PAQR4: variants seen among roughly 807,000 people sequenced by gnomAD.
The protein encoded by PAQR4 is progestin and adipoQ receptor family member IV.
PAQR4 carries 26 observed loss-of-function variants against 20.9 expected under a neutral mutation model. That is an observed-to-expected ratio of 1.24 (90% CI 0.91 to 1.73). The LOEUF (loss-of-function observed/expected upper bound fraction) is 1.73. Among genes scored for constraint, PAQR4 ranks in the 40% most tolerant of loss-of-function variants. The pLI is 0.00. For synonymous variants in PAQR4, 193 were observed against 171.6 expected, an observed-to-expected ratio of 1.12 and a Z score of -0.97; for missense variants, 400 against 380.1, an observed-to-expected ratio of 1.05 and a Z score of -0.44.
At position 2,972,096 on chromosome 16, in the gene PAQR4, G is replaced by A; in HGVS notation, c.*148G>A. 2 of 804,680 alleles carry A rather than the reference G, an allele frequency of 2.5e-6. No individual in the cohort carries two copies. The highest frequency in any genetic ancestry group is 2.8e-5 in the East Asian group (1 of 36,276). 49.8% of individuals were successfully genotyped at this position (804,680 alleles called of 1,614,324 possible). ...GCCCTGTTCACCCGTTCTTCCCTGT[G>A]GACTGACCTCTTCCACCCACGCCGT... On this transcript the variant is annotated 3_prime_UTR_variant, in exon 3 of 3. Transcript: ENST00000318782.
rs369198276 is a variant in PAQR4 at position 2,971,318 on chromosome 16, G to A, written c.328G>A (p.Ala110Thr). The A allele has an allele frequency of 4.7e-5, 75 of 1,612,216 alleles. No individual in the cohort carries two copies. In the African/African-American group the frequency reaches 6.4e-4, roughly 14 times the overall value. Residue 110 changes from alanine to threonine, a missense_variant, in exon 2 of 3, where the codon GCT becomes ACT. Ala to Thr is a moderately conservative substitution (Grantham distance 58, BLOSUM62 0). Transcript: ENST00000318782. ...HLFMCHQGGS[A>T]VYARLLALDM... ...CTTTATGTGCCACCAAGGGGGCAGC[G>A]CTGTGTACGCCCGGCTCCTCGCCCT...
In PAQR4 at chr16:2,971,684, G is replaced by A. The variant is rs753704178; in HGVS notation, c.558G>A (p.Leu186=). The change falls in exon 3 of 3, where the codon CTG becomes CTA. Residue 186 remains leucine (L), a synonymous_variant. Coordinates refer to ENST00000318782, the MANE Select transcript of PAQR4 (RefSeq NM_152341.5). ...GATGGCAGGCTGCTGCCCGCCTACT[G>A]GTATTTGGGGCCCGGGGAGTGGGTC... is the stretch of plus-strand genomic sequence containing the variant. The part of the protein sequence containing the change: ...AFGWQAAARL[L]VFGARGVGLG... 2.5e-5 allele frequency: 40 copies of A among 1,611,952 alleles called. No individual in the cohort carries two copies. Among genetic ancestry groups the A allele is most frequent in the Non-Finnish European group, 3.0e-5 (35 of 1,179,868 alleles).
chr16:2,973,442 T>A lies in PAQR4; in HGVS notation c.*1494T>A, dbSNP rs1462997879. 1 of 1,527,738 alleles carries A rather than the reference T, an allele frequency of 6.5e-7. No homozygotes were observed. Among genetic ancestry groups the A allele is most frequent in the African/African-American group, 1.4e-5 (1 of 72,864 alleles). The allele number at this position is 1,527,738 out of a possible 1,614,324, so 94.6% of individuals were successfully genotyped here. A position where few individuals can be genotyped will look rare whatever the true frequency, so the allele number is the denominator to read the frequency against. ...CCCCCTCTGTCCTTTTCAGAACACA[T>A]GGACTTGGAGGCAGATTTGAAATAA... On this transcript the variant is annotated 3_prime_UTR_variant, in exon 3 of 3. Transcript: ENST00000318782.
chr16:2,971,373 C>A lies in PAQR4; in HGVS notation c.383C>A (p.Thr128Asn). 2 of 1,608,144 alleles carry A rather than the reference C, an allele frequency of 1.2e-6. No homozygotes were observed. The highest frequency in any genetic ancestry group is 1.7e-6 in the Non-Finnish European group (2 of 1,179,718). Residue 128 changes from threonine (T) to asparagine (N), a missense_variant, in exon 2 of 3, where the codon ACC becomes AAC. Thr to Asn is a moderately conservative substitution (Grantham distance 65, BLOSUM62 0). Transcript: ENST00000318782. The stretch of plus-strand genomic sequence containing the variant: ...ATGTGTGGGGTCTGCCTTGTCAACA[C>A]CCTTGGTGAGTCAGGGCCCAAGGGA... Reference protein sequence around the residue: ...LDMCGVCLVNTLGALPIIHCT... With the variant: ...LDMCGVCLVNNLGALPIIHCT...
At position 2,972,185 on chromosome 16, in the gene PAQR4, GGAAACCTTTCC is replaced by G. The variant is rs1481018184; in HGVS notation, c.*238_*248del. ...TCCTATTTTACTGTGTCAGCTGGAAGGAAACCTTTCCCTCTTGGGACCTCTTTACCCTCTGT... is the reference window on the plus strand; with the variant it reads ...TCCTATTTTACTGTGTCAGCTGGAAGCTCTTGGGACCTCTTTACCCTCTGT... On this transcript the variant is annotated 3_prime_UTR_variant, in exon 3 of 3. Coordinates refer to ENST00000318782, the MANE Select transcript of PAQR4 (RefSeq NM_152341.5). 1.8e-6 allele frequency: 1 copy of G among 569,878 alleles called. No homozygotes were observed. The highest frequency in any genetic ancestry group is 3.1e-6 in the Non-Finnish European group (1 of 326,882). The allele number at this position is 569,878 out of a possible 1,614,324, so 35.3% of individuals were successfully genotyped here. A position where few individuals can be genotyped will look rare whatever the true frequency, so the allele number is the denominator to read the frequency against.
chr16:2,972,359 C>T lies in PAQR4; in HGVS notation c.*411C>T, dbSNP rs564411381. 5.7e-5 allele frequency: 30 copies of T among 530,248 alleles called. No individual in the cohort carries two copies. The highest frequency in any genetic ancestry group is 5.0e-4 in the Middle Eastern group (1 of 2,010). 32.8% of individuals were successfully genotyped at this position (530,248 alleles called of 1,614,324 possible). A position where few individuals can be genotyped will look rare whatever the true frequency, so the allele number is the denominator to read the frequency against. On this transcript the variant is annotated 3_prime_UTR_variant, in exon 3 of 3. Coordinates refer to ENST00000318782, the MANE Select transcript of PAQR4 (RefSeq NM_152341.5). Reference sequence around the variant, plus strand: ...CAGGCCTGTGGCCAGTCTTCCTGATCTCCATCTTTCTGCCCTGCATACCAG... The same window carrying T: ...CAGGCCTGTGGCCAGTCTTCCTGATTTCCATCTTTCTGCCCTGCATACCAG...
intron 1 of PAQR4, among the ~76,000 whole-genome samples, chr16:2,970,426 C>T (rs1357117504): frequency 6.6e-6 from 1 of 152,246 alleles, no homozygotes; most frequent in Non-Finnish European, 1.5e-5. Context: ...CGAGCTTTTG[C>T]CAGGCCACAT....
In PAQR4 at chr16:2,971,381, G is replaced by GA. The variant is rs768888277; in HGVS notation, c.388+4dup. ...GGTCTGCCTTGTCAACACCCTTGGT[G>GA]AGTCAGGGCCCAAGGGATGGGAGCT... On this transcript the variant is annotated splice_donor_region_variant and intron_variant, in intron 2 of 2. Coordinates refer to ENST00000318782, the MANE Select transcript of PAQR4 (RefSeq NM_152341.5). The GA allele has an allele frequency of 6.2e-7, 1 of 1,606,728 alleles. No individual in the cohort carries two copies. Among genetic ancestry groups the GA allele is most frequent in the South Asian group, 1.1e-5 (1 of 91,084 alleles).
At position 2,972,974 on chromosome 16, in the gene PAQR4, C is replaced by T. The variant is rs772173732; in HGVS notation, c.*1026C>T. The T allele has an allele frequency of 1.2e-6, 2 of 1,609,110 alleles. No individual in the cohort carries two copies. The highest frequency in any genetic ancestry group is 1.1e-5 in the South Asian group (1 of 89,590). On this transcript the variant is annotated 3_prime_UTR_variant, in exon 3 of 3. Coordinates refer to ENST00000318782, the MANE Select transcript of PAQR4 (RefSeq NM_152341.5). ...GGGCTCAGGTTGGGTCTAGGGTGTCCTCAAACAGGCTGAGGAGGTTCCGAG... is the reference window on the plus strand; with the variant it reads ...GGGCTCAGGTTGGGTCTAGGGTGTCTTCAAACAGGCTGAGGAGGTTCCGAG...
intron 1 of PAQR4, 42 bp downstream of exon 1, chr16:2,969,882 C>T (rs763944443): frequency 2.1e-5 from 33 of 1,602,804 alleles, no homozygotes; most frequent in Non-Finnish European, 2.7e-5. Flanking sequence ...CCCCCGGCCG[C>T]CCTACCTGCG....
rs772730605 is a variant in PAQR4 at position 2,971,716 on chromosome 16, C to G, written c.590C>G (p.Ser197Ter). Residue 197 changes from serine to a stop codon, truncating the protein, a stop_gained, in exon 3 of 3, where the codon TCA becomes TGA. Coordinates refer to ENST00000318782, the MANE Select transcript of PAQR4 (RefSeq NM_152341.5). LOFTEE classifies it high-confidence loss of function. ...GGGGCCCGGGGAGTGGGTCTGGGTT[C>G]AGGGGCTCCAGGCTCCCTGCCCTGC... The part of the protein sequence containing the change: ...VFGARGVGLG[S>*]GAPGSLPCYL... 13 of 1,612,508 alleles carry G rather than the reference C, an allele frequency of 8.1e-6. No homozygotes were observed. The highest frequency in any genetic ancestry group is 1.3e-5 in the African/African-American group (1 of 75,052).
chr16:2,969,995 C>A, intron 1 of PAQR4, 155 bp downstream of exon 1: 2 of 1,030,800 alleles, frequency 1.9e-6, no homozygotes, highest in Non-Finnish European at 2.8e-6. Context: ...CTGCCATTGT[C>A]CCGGGCCGCG....
chr16:2,969,988 C>T, intron 1 of PAQR4, 148 bp downstream of exon 1: 3 of 1,098,464 alleles, frequency 2.7e-6, no homozygotes, highest in Non-Finnish European at 3.8e-6. Context: ...GACAAAGCTG[C>T]CATTGTCCCG....
In PAQR4 at chr16:2,973,264, C is replaced by G. The variant is rs969397629; in HGVS notation, c.*1316C>G. 3 of 1,481,600 alleles carry G rather than the reference C, an allele frequency of 2.0e-6. No individual in the cohort carries two copies. In the African/African-American group the frequency reaches 4.3e-5, roughly 21 times the overall value. The allele number at this position is 1,481,600 out of a possible 1,614,324, so 91.8% of individuals were successfully genotyped here. A position where few individuals can be genotyped will look rare whatever the true frequency, so the allele number is the denominator to read the frequency against. ...GGAGGGTGTCCAGGGCTAGGGAGTG[C>G]CGGATGAAACCAGCTCTGTCCCTGT... On this transcript the variant is annotated 3_prime_UTR_variant, in exon 3 of 3. Coordinates refer to ENST00000318782, the MANE Select transcript of PAQR4 (RefSeq NM_152341.5).
chr16:2,969,470 CG>C lies in PAQR4; in HGVS notation c.-200del. On this transcript the variant is annotated 5_prime_UTR_variant, in exon 1 of 3. Transcript: ENST00000318782. ...TGCGTCCCCAGCCTCCGCCCCGGCG[CG>C]GGGGCGACGGACTCGCGCGTGCGCA... is the stretch of plus-strand genomic sequence containing the variant. The C allele has an allele frequency of 3.0e-6, 1 of 336,076 alleles. No individual in the cohort carries two copies. The highest frequency in any genetic ancestry group is 5.0e-6 in the Non-Finnish European group (1 of 201,594). The allele number at this position is 336,076 out of a possible 1,614,324, so 20.8% of individuals were successfully genotyped here. A position where few individuals can be genotyped will look rare whatever the true frequency, so the allele number is the denominator to read the frequency against.
In PAQR4 at chr16:2,969,536, G is replaced by T; in HGVS notation, c.-139G>T. ...CGGGCTGGGACCCCCTAGCCAGCGC[G>T]TGCGCCGATCGAGCGCAGGGCGATG... On this transcript the variant is annotated 5_prime_UTR_variant, in exon 1 of 3. Transcript: ENST00000318782. 1.0e-6 allele frequency: 1 copy of T among 984,856 alleles called. No individual in the cohort carries two copies. Among genetic ancestry groups the T allele is most frequent in the African/African-American group, 1.7e-5 (1 of 57,842 alleles). 61.0% of individuals were successfully genotyped at this position (984,856 alleles called of 1,614,324 possible).
Position 2,971,922 on chromosome 16 carries a change from G to T in PAQR4, c.796G>T (p.Ala266Ser). The T allele has an allele frequency of 6.3e-7, 1 of 1,597,238 alleles. No individual in the cohort carries two copies. ...CGTCGTGCCCGACCTGCTCTGGGCT[G>T]CCCACCACGCCTGTCCCCGGGACTG... ...AGVVPDLLWAAHHACPRD is the reference protein window; with the variant it reads ...AGVVPDLLWASHHACPRD The change falls in exon 3 of 3, where the codon GCC becomes TCC. Residue 266 changes from alanine (A) to serine (S), a missense_variant. Ala to Ser is a moderately conservative substitution (Grantham distance 99). Coordinates refer to ENST00000318782, the MANE Select transcript of PAQR4 (RefSeq NM_152341.5).
chr16:2,971,042 ACTGGATGACAGCATTAC>A, intron 1 of PAQR4, 98 bp from the exon 2 acceptor site: 3 of 1,079,568 alleles, frequency 2.8e-6, no homozygotes, highest in Non-Finnish European at 1.4e-6. Flanking sequence ...CAGGCCGCCA[ACTGGATGACAGCATTAC>A]CTGGACCTGT....
In PAQR4 at chr16:2,972,384, G is replaced by T; in HGVS notation, c.*436G>T. The T allele has an allele frequency of 1.8e-6, 1 of 545,896 alleles. No homozygotes were observed. The highest frequency in any genetic ancestry group is 3.1e-5 in the East Asian group (1 of 32,574). The allele number at this position is 545,896 out of a possible 1,614,324, so 33.8% of individuals were successfully genotyped here. ...CTCCATCTTTCTGCCCTGCATACCAGCCCTCCCAGCAGCCACAAGCTTGCC... is the reference window on the plus strand; with the variant it reads ...CTCCATCTTTCTGCCCTGCATACCATCCCTCCCAGCAGCCACAAGCTTGCC... On this transcript the variant is annotated 3_prime_UTR_variant, in exon 3 of 3. Transcript: ENST00000318782.
Sources: gnomAD v4.1 joint callset for allele counts (sites outside exome capture counted in the v4.1 genomes callset) on GRCh38, gnomAD v4.1.1 for gene constraint, MANE v1.5 for transcripts, NCBI Gene and HGNC (gene_info 2026-07-23, HGNC 2026-07-21) for gene names.